DYRK1A: variants seen among roughly 807,000 people sequenced by gnomAD.
The protein encoded by DYRK1A is dual specificity tyrosine phosphorylation regulated kinase 1A, also known as dual specificity tyrosine-phosphorylation-regulated kinase 1A.
Under a neutral mutation model 79.7 loss-of-function variants are expected in DYRK1A, and 9 were observed. The ratio of observed to expected loss-of-function variants is 0.11; its 90% CI spans 0.07 to 0.20. The LOEUF is 0.20. Ranked by LOEUF, DYRK1A falls within the 10% of genes least tolerant of loss-of-function variation. DYRK1A has a pLI of 1.00. For synonymous variants in DYRK1A, 349 were observed against 329.7 expected (o/e 1.06, Z -0.63); for missense variants, 622 against 956.0 (o/e 0.65, Z 4.61).
At chr21:37,441,359 G>A (rs2051098025) in intron 2 of DYRK1A, among the ~76,000 whole-genome samples, 1 of 151,890 alleles carries the variant, frequency 6.6e-6, no homozygotes, top group Non-Finnish European at 1.5e-5. Flanking sequence ...TCTCATTTGA[G>A]GTATTTAGAT....
chr21:37,501,212 C>T (rs1316395514), intron 9 of DYRK1A: 1 of 137,930 alleles, frequency 7.3e-6, no homozygotes, highest in African/African-American at 2.9e-5. Context: ...CGCTCTGTTG[C>T]CAGGCTGGAG....
In DYRK1A at chr21:37,519,242, G is replaced by A. The variant is rs1395000715; in HGVS notation, c.*6711G>A. 6.6e-6 allele frequency: 1 copy of A among 152,216 alleles called. No individual in the cohort carries two copies. The highest frequency in any genetic ancestry group is 1.5e-5 in the Non-Finnish European group (1 of 68,072). The allele number at this position is 152,216 out of a possible 1,614,324, so 9.4% of individuals were successfully genotyped here. ...TTGTAAGCCGGTGAAGGGTTTCCCA[G>A]GGCACCAGCCACCAGCTCTGTATAG... On this transcript the variant is annotated 3_prime_UTR_variant, in exon 12 of 12. Coordinates refer to ENST00000647188, the MANE Select transcript of DYRK1A (RefSeq NM_001347721.2).
chr21:37,420,076 CTG>C (rs1177923489), intron 1 of DYRK1A: 2 of 229,382 alleles, frequency 8.7e-6, no homozygotes, highest in East Asian at 8.3e-5. Context: ...CATTTTGAAA[CTG>C]TTTTTTTTTT....
intron 1 of DYRK1A, among the ~76,000 whole-genome samples, chr21:37,399,269 T>C (rs2148398224): frequency 6.6e-6 from 1 of 152,278 alleles, no homozygotes; most frequent in East Asian, 1.9e-4. Flanking sequence ...TTTTCCTTTT[T>C]TATAAGACCC....
rs745827730 is a variant in DYRK1A at position 37,521,411 on chromosome 21, G to C, written c.*8880G>C. The C allele has an allele frequency of 2.6e-5, 4 of 152,214 alleles. No individual in the cohort carries two copies. The highest frequency in any genetic ancestry group is 6.5e-5 in the Admixed American group (1 of 15,280). 9.4% of individuals were successfully genotyped at this position (152,214 alleles called of 1,614,324 possible). A position where few individuals can be genotyped will look rare whatever the true frequency, so the allele number is the denominator to read the frequency against. ...GAAGAAGAATGTCTTACCAGCAAAC[G>C]GTCTTGGGACAGCTGGTGTGAGAAC... is the stretch of plus-strand genomic sequence containing the variant. On this transcript the variant is annotated 3_prime_UTR_variant, in exon 12 of 12. Coordinates refer to ENST00000647188, the MANE Select transcript of DYRK1A (RefSeq NM_001347721.2).
intron 1 of DYRK1A, among the ~76,000 whole-genome samples, chr21:37,369,854 C>T (rs559649449): frequency 2.0e-5 from 3 of 152,282 alleles, no homozygotes; most frequent in African/African-American, 7.2e-5. Flanking sequence ...TTGGTGGAAC[C>T]TATTAGAAAC....
At position 37,366,905 on chromosome 21, in the gene DYRK1A, G is replaced by C. The variant is rs2049317187; in HGVS notation, c.-800G>C. On this transcript the variant is annotated 5_prime_UTR_variant, in exon 1 of 12. Coordinates refer to ENST00000647188, the MANE Select transcript of DYRK1A (RefSeq NM_001347721.2). ...GCGGCAACCGCGGCGGGGGTATCCG[G>C]GGAGACTGCTGCTGTCGCTGCTGCT... 1 of 153,540 alleles carries C rather than the reference G, an allele frequency of 6.5e-6. No homozygotes were observed. The highest frequency in any genetic ancestry group is 1.5e-5 in the Non-Finnish European group (1 of 68,840). The allele number at this position is 153,540 out of a possible 1,614,324, so 9.5% of individuals were successfully genotyped here.
At chr21:37,461,607 T>C (rs1355649122) in intron 2 of DYRK1A, among the ~76,000 whole-genome samples, 4 of 152,172 alleles carry the variant, frequency 2.6e-5, no homozygotes, top group Non-Finnish European at 4.4e-5. Context: ...TCTGAAAAAG[T>C]ATTTTGCCTT....
chr21:37,490,132 T>C, intron 6 of DYRK1A, 43 bp from the exon 7 acceptor site: 1 of 1,555,916 alleles, frequency 6.4e-7, no homozygotes, highest in Non-Finnish European at 8.7e-7. Flanking sequence ...ACTCTCAGTT[T>C]ATTGGTATAT....
Position 37,518,916 on chromosome 21 carries a change from A to G in DYRK1A, c.*6385A>G, listed in dbSNP as rs2053907806. On this transcript the variant is annotated 3_prime_UTR_variant, in exon 12 of 12. Transcript: ENST00000647188. Reference sequence around the variant, plus strand: ...GCGTGAGCTACTTCACCCAGCCCCAAGAACATCTTGAAATGGAGTTTGATT... The same window carrying G: ...GCGTGAGCTACTTCACCCAGCCCCAGGAACATCTTGAAATGGAGTTTGATT... The G allele has an allele frequency of 6.6e-6, 1 of 152,216 alleles. No homozygotes were observed. Among genetic ancestry groups the G allele is most frequent in the Non-Finnish European group, 1.5e-5 (1 of 68,056 alleles). The allele number at this position is 152,216 out of a possible 1,614,324, so 9.4% of individuals were successfully genotyped here.
At chr21:37,461,365 A>G (rs1036509654) in intron 2 of DYRK1A, among the ~76,000 whole-genome samples, 1 of 152,204 alleles carries the variant, frequency 6.6e-6, no homozygotes, top group African/African-American at 2.4e-5. Flanking sequence ...TGTTTTATTT[A>G]TATGTAATAA....
intron 2 of DYRK1A, among the ~76,000 whole-genome samples, chr21:37,453,799 A>G (rs2051539368): frequency 6.6e-6 from 1 of 152,218 alleles, no homozygotes; most frequent in Non-Finnish European, 1.5e-5. Context: ...AACAAAAGAA[A>G]GGAAAATAAA....
At chr21:37,506,356 T>G (rs745548112) in intron 11 of DYRK1A, 133 bp downstream of exon 11, 21 of 1,564,304 alleles carry the variant, frequency 1.3e-5, no homozygotes, top group Non-Finnish European at 1.7e-5. Context: ...TAAGGAAATG[T>G]AAGTATTTAT....
At chr21:37,399,281 T>C (rs556262478) in intron 1 of DYRK1A, among the ~76,000 whole-genome samples, 7 of 152,272 alleles carry the variant, frequency 4.6e-5, no homozygotes, top group Admixed American at 4.6e-4. Flanking sequence ...ATAAGACCCA[T>C]AAGACTCTTC....
rs1267870716 is a variant in DYRK1A, at chr21:37,513,830, G to C, written c.*1299G>C. On this transcript the variant is annotated 3_prime_UTR_variant, in exon 12 of 12. Transcript: ENST00000647188. The stretch of plus-strand genomic sequence containing the variant: ...TTTGATAATTTATTGTACCAAAGCT[G>C]TTTTTATAGCACATAGATGTCTGTA... The C allele has an allele frequency of 6.6e-6, 1 of 152,560 alleles. No individual in the cohort carries two copies. The highest frequency in any genetic ancestry group is 1.5e-5 in the Non-Finnish European group (1 of 68,022). 9.5% of individuals were successfully genotyped at this position (152,560 alleles called of 1,614,324 possible). A position where few individuals can be genotyped will look rare whatever the true frequency, so the allele number is the denominator to read the frequency against.
chr21:37,430,087 C>G (rs1430103683), intron 2 of DYRK1A, among the ~76,000 whole-genome samples: 2 of 152,178 alleles, frequency 1.3e-5, no homozygotes. Context: ...AAACCTCATT[C>G]TTGGCCATCA....
chr21:37,442,678 A>G (rs1241505493), intron 2 of DYRK1A, among the ~76,000 whole-genome samples: 1 of 151,908 alleles, frequency 6.6e-6, no homozygotes, highest in African/African-American at 2.4e-5. Flanking sequence ...GCCTCAAGTG[A>G]TATTCCTGTC....
intron 11 of DYRK1A, among the ~76,000 whole-genome samples, chr21:37,509,621 C>T (rs1196021859): frequency 6.6e-6 from 1 of 152,026 alleles, no homozygotes; most frequent in East Asian, 1.9e-4. Flanking sequence ...AGTGAGGTCT[C>T]ACTATGTTTC....
intron 2 of DYRK1A, among the ~76,000 whole-genome samples, chr21:37,444,436 A>G (rs2051201556): frequency 6.6e-6 from 1 of 152,198 alleles, no homozygotes; most frequent in Non-Finnish European, 1.5e-5. Context: ...GCACGCATTA[A>G]TTTATTAATT....
Sources: gnomAD v4.1 joint callset for allele counts (sites outside exome capture counted in the v4.1 genomes callset) on GRCh38, gnomAD v4.1.1 for gene constraint, MANE v1.5 for transcripts, NCBI Gene and HGNC (gene_info 2026-07-23, HGNC 2026-07-21) for gene names.